The following TRIT1 variants were observed in gnomAD, a reference collection of about 807,000 sequenced individuals.
TRIT1 encodes tRNA dimethylallyltransferase.
A neutral mutation model predicts 51.2 loss-of-function variants in TRIT1; 43 were observed. The observed-to-expected ratio is 0.84, with a 90% CI of 0.66 to 1.08. The LOEUF is 1.08. TRIT1 is among the 50% of genes least tolerant of loss of function. The pLI is 0.00. For synonymous variants in TRIT1, 184 were observed against 203.9 expected (o/e 0.90, Z 0.83); for missense variants, 528 against 578.4 (o/e 0.91, Z 0.89).
At chr1:39,868,294 G>C (rs972446756) in intron 1 of TRIT1, among the ~76,000 whole-genome samples, 1 of 152,176 alleles carries the variant, frequency 6.6e-6, no homozygotes, top group African/African-American at 2.4e-5. Flanking sequence ...CACAGATTGG[G>C]AGAAAATATT....
At position 39,857,282 on chromosome 1, in the gene TRIT1, C is replaced by A. The variant is rs562131479; in HGVS notation, c.310G>T (p.Ala104Ser). ...GCTGCCTTTCCTAAGGATATCAGAG[C>A]AGTTGCTCTATTTCTGAAGTCCACC... ...TVVDFRNRAT[A>S]LIEDIFARDK... is the part of the protein sequence containing the mutation. Residue 104 changes from alanine to serine, a missense_variant, in exon 2 of 11, where the codon GCT becomes TCT. Physicochemically the swap from Ala to Ser is moderately conservative, Grantham distance 99. Around this residue, in one of 3 missense-constraint regions of TRIT1, gnomAD observed 468 missense variants for 522.6 expected, o/e 0.90. Transcript: ENST00000316891. 13 of 1,609,758 alleles carry A rather than the reference C, an allele frequency of 8.1e-6. No homozygotes were observed. The South Asian group carries it at 1.2e-4, about 15-fold the overall frequency.
chr1:39,845,654 T>C (rs1027396349), intron 8 of TRIT1, among the ~76,000 whole-genome samples: 3 of 152,206 alleles, frequency 2.0e-5, no homozygotes, highest in African/African-American at 7.2e-5. Context: ...ACTCTACATT[T>C]TCCTTTCTCC....
intron 10 of TRIT1, among the ~76,000 whole-genome samples, chr1:39,843,265 C>A (rs556829419): frequency 6.6e-6 from 1 of 152,300 alleles, no homozygotes; most frequent in African/African-American, 2.4e-5. Context: ...AAACAGTACT[C>A]TGAACAGAAG....
chr1:39,869,060 GA>G (rs1001439576), intron 1 of TRIT1, among the ~76,000 whole-genome samples: 25 of 152,006 alleles, frequency 1.6e-4, no homozygotes, highest in African/African-American at 5.8e-4. Context: ...AACTCTGTCT[GA>G]AAAAAAGCTC....
At chr1:39,847,050 A>C in intron 8 of TRIT1, 170 bp downstream of exon 8, 2 of 557,600 alleles carry the variant, frequency 3.6e-6, no homozygotes, top group South Asian at 2.9e-5. Context: ...TTTTTGTGAC[A>C]TCCCAAGAAA....
rs749576706 is a variant in TRIT1 at position 39,850,245 on chromosome 1, C to CA, written c.576dup (p.Glu193Ter). ...TCACTATGAGAGATTCCTGTTTCTT[C>CA]AAAAACTTGCAAGCTCCTAAGTAAT... On this transcript the variant is annotated frameshift_variant, in exon 5 of 11. Transcript: ENST00000316891. LOFTEE classifies it high-confidence loss of function. 6.2e-7 allele frequency: 1 copy of CA among 1,614,138 alleles called. No homozygotes were observed. The highest frequency in any genetic ancestry group is 8.5e-7 in the Non-Finnish European group (1 of 1,180,010).
chr1:39,845,758 A>C (rs764679925), intron 8 of TRIT1, among the ~76,000 whole-genome samples: 1 of 152,214 alleles, frequency 6.6e-6, no homozygotes, highest in African/African-American at 2.4e-5. Flanking sequence ...GTCCAAGGCC[A>C]TGCTGGGGTG....
At chr1:39,867,330 A>G (rs1643610543) in intron 1 of TRIT1, among the ~76,000 whole-genome samples, 1 of 152,166 alleles carries the variant, frequency 6.6e-6, no homozygotes, top group Admixed American at 6.5e-5. Context: ...TTTTTAGTAG[A>G]GACGGGGTTT....
intron 3 of TRIT1, 146 bp from the exon 4 acceptor site, chr1:39,853,022 T>C: frequency 1.1e-6 from 1 of 928,402 alleles, no homozygotes; most frequent in Non-Finnish European, 1.6e-6. Flanking sequence ...AATTCCAATA[T>C]GCTGTGGTAA....
chr1:39,851,233 T>C (rs1435046074), intron 4 of TRIT1, among the ~76,000 whole-genome samples: 1 of 151,804 alleles, frequency 6.6e-6, no homozygotes, highest in East Asian at 1.9e-4. Flanking sequence ...AAAAGAAAGA[T>C]TAAAAAAAAA....
At chr1:39,876,780 T>C (rs1210611063) in intron 1 of TRIT1, among the ~76,000 whole-genome samples, 1 of 151,428 alleles carries the variant, frequency 6.6e-6, no homozygotes, top group Non-Finnish European at 1.5e-5. Context: ...TACAAAAAAT[T>C]AGCCAGGCGT....
At chr1:39,844,471 G>T in intron 9 of TRIT1, 60 bp downstream of exon 9, 2 of 1,310,318 alleles carry the variant, frequency 1.5e-6, no homozygotes, top group Non-Finnish European at 2.2e-6. Flanking sequence ...CAACAAAGGT[G>T]TCAGCTAATG....
chr1:39,882,090 T>C (rs1644283868), intron 1 of TRIT1, among the ~76,000 whole-genome samples: 1 of 152,258 alleles, frequency 6.6e-6, no homozygotes, highest in South Asian at 2.1e-4. Flanking sequence ...GTTATTGATA[T>C]TATTCTTCCT....
At chr1:39,881,131 G>A (rs1644248879) in intron 1 of TRIT1, among the ~76,000 whole-genome samples, 1 of 150,828 alleles carries the variant, frequency 6.6e-6, no homozygotes, top group South Asian at 2.1e-4. Context: ...GGAGGCTGAG[G>A]CAGGAGAATC....
At chr1:39,847,022 T>C (rs193185267) in intron 8 of TRIT1, 198 bp downstream of exon 8, 37 of 556,136 alleles carry the variant, frequency 6.7e-5, no homozygotes, top group African/African-American at 4.7e-4. Flanking sequence ...GACTCCTCAA[T>C]GCAAATAATT....
chr1:39,878,264 C>G (rs1400448916), intron 1 of TRIT1, among the ~76,000 whole-genome samples: 1 of 152,238 alleles, frequency 6.6e-6, no homozygotes, highest in Admixed American at 6.5e-5. Context: ...CACTGCATAT[C>G]AGGCTACATG....
Position 39,838,886 on chromosome 1 carries a change from CA to C in TRIT1, c.*2857del, listed in dbSNP as rs58018613. Among the ~76,000 whole-genome samples the C allele has an allele frequency of 6.6e-6, 1 of 151,912 alleles. No individual in the cohort carries two copies. ...GGAACTAAAGAGAGCTAAGAGAGGA[CA>C]AAAAATTACTGAGAGTTAGGAAGGA... On this transcript the variant is annotated 3_prime_UTR_variant, in exon 11 of 11. Coordinates refer to ENST00000316891, the MANE Select transcript of TRIT1 (RefSeq NM_017646.6).
rs201100352 is a variant in TRIT1, at chr1:39,866,093, A to G, written c.175-8676T>C. 5.4e-5 allele frequency among the ~76,000 whole-genome samples: 8 copies of G among 147,546 alleles called. No homozygotes were observed. The East Asian group carries it at 1.4e-3, about 26-fold the overall frequency. ...AGAGGGAGGGAGGGAAGGAAAGAAG[A>G]AAGGAAGGAAGGAAGGAAGGAAGGA... is the stretch of plus-strand genomic sequence containing the variant. On this transcript the variant is annotated intron_variant, in intron 1 of 10. Transcript: ENST00000316891.
At chr1:39,845,108 A>C (rs955555442) in intron 8 of TRIT1, among the ~76,000 whole-genome samples, 20 of 152,270 alleles carry the variant, frequency 1.3e-4, no homozygotes, top group African/African-American at 4.6e-4. Flanking sequence ...CCTGGGACTC[A>C]TGAAATGCTC....
Sources: allele counts gnomAD v4.1 joint callset (sites outside exome capture counted in the v4.1 genomes callset), GRCh38; gene constraint gnomAD v4.1.1; regional missense constraint gnomAD v4.1.1; transcripts MANE v1.5; gene names NCBI Gene and HGNC (gene_info 2026-07-23, HGNC 2026-07-21).